Variants in SPINK7 observed in about 807,000 individuals in gnomAD.
SPINK7 encodes the protein serine peptidase inhibitor Kazal type 7.
In SPINK7, 8 loss-of-function variants were observed where a neutral mutation model predicts 11.6. That is an observed-to-expected ratio of 0.69 (90% CI 0.41 to 1.25). SPINK7 has a LOEUF of 1.25. Ranked by LOEUF, SPINK7 falls within the 50% of genes most tolerant of loss-of-function variation. The probability of loss-of-function intolerance (pLI) is 0.01; values close to 1 mark genes in which losing one functional copy is unlikely to be tolerated. For synonymous variants in SPINK7, 38 were observed against 35.3 expected (o/e 1.08, Z -0.27); for missense variants, 113 against 99.3 (o/e 1.14, Z -0.58).
In SPINK7 at chr5:148,315,571, T is replaced by A. The variant is rs574489596; in HGVS notation, c.213-68T>A. ...CTGCCTCATAATCTCTATAGTTCCT[T>A]TCAGCTCTAACATTACATAAAATTT... is the stretch of plus-strand genomic sequence containing the variant. On this transcript the variant is annotated intron_variant, in intron 3 of 3. Transcript: ENST00000274565. 15 of 945,798 alleles carry A rather than the reference T, an allele frequency of 1.6e-5. No homozygotes were observed. The East Asian group carries it at 3.6e-4, about 23-fold the overall frequency. The allele number at this position is 945,798 out of a possible 1,614,324, so 58.6% of individuals were successfully genotyped here. A position where few individuals can be genotyped will look rare whatever the true frequency, so the allele number is the denominator to read the frequency against.
In SPINK7 at chr5:148,312,442, T is replaced by C. The variant is rs745615816; in HGVS notation, c.-42T>C. ...TGGGATATGGTCGATGCAGCTGTAG[T>C]GACAATCTCAGAGCAGCTTCTACAC... On this transcript the variant is annotated 5_prime_UTR_variant, in exon 1 of 4. Transcript: ENST00000274565. 7.3e-7 allele frequency: 1 copy of C among 1,363,874 alleles called. No individual in the cohort carries two copies. The highest frequency in any genetic ancestry group is 1.1e-6 in the Non-Finnish European group (1 of 952,088). The allele number at this position is 1,363,874 out of a possible 1,614,324, so 84.5% of individuals were successfully genotyped here.
At chr5:148,314,613 G>C (rs1476686681) in intron 3 of SPINK7, 1 of 190,200 alleles carries the variant, frequency 5.3e-6, no homozygotes, top group Non-Finnish European at 1.1e-5. Context: ...ATTTTAAGTA[G>C]TGGAGTGCCA....
chr5:148,313,254 T>G, intron 1 of SPINK7, 120 bp from the exon 2 acceptor site: 1 of 672,200 alleles, frequency 1.5e-6, no homozygotes, highest in Admixed American at 2.8e-5. Context: ...GGATGGAGAG[T>G]GTGCTGAATC....
intron 1 of SPINK7, 54 bp downstream of exon 1, chr5:148,312,598 T>C: frequency 3.9e-6 from 4 of 1,016,716 alleles, no homozygotes; most frequent in Non-Finnish European, 6.0e-6. Context: ...TTTTCATAAA[T>C]AATCCCTCCT....
At position 148,315,641 on chromosome 5, in the gene SPINK7, A is replaced by C. The variant is rs1182952759; in HGVS notation, c.215A>C (p.Lys72Thr). 3 of 1,596,586 alleles carry C rather than the reference A, an allele frequency of 1.9e-6. No individual in the cohort carries two copies. In the African/African-American group the frequency reaches 4.0e-5, roughly 21 times the overall value. The change falls in exon 4 of 4, where the codon AAA becomes ACA. Residue 72 changes from lysine to threonine, a missense_variant and splice_region_variant. Coordinates refer to ENST00000274565, the MANE Select transcript of SPINK7 (RefSeq NM_032566.3). The stretch of plus-strand genomic sequence containing the variant: ...TTGTGAACTGTGTCTTCCCTTAGGA[A>C]AAGTAATGGAAGAGTTCAGTTTCTT... ...NECHLCTESL[K>T]SNGRVQFLHD...
intron 1 of SPINK7, 53 bp from the exon 2 acceptor site, chr5:148,313,321 G>A (rs1756884622): frequency 2.1e-6 from 3 of 1,401,422 alleles, no homozygotes; most frequent in South Asian, 2.5e-5. Flanking sequence ...ATTAATTAAT[G>A]AGATTTAAAG....
At chr5:148,313,885 C>A in intron 2 of SPINK7, 1 of 574,840 alleles carries the variant, frequency 1.7e-6, no homozygotes. Context: ...ACGCCTAGCC[C>A]AGAAATGCCC....
At chr5:148,314,493 C>T in intron 3 of SPINK7, 2 of 501,064 alleles carry the variant, frequency 4.0e-6, no homozygotes, top group South Asian at 5.6e-5. Flanking sequence ...TGTGGATTCT[C>T]AAACTGCTGT....
chr5:148,314,257 G>T, intron 3 of SPINK7, 33 bp downstream of exon 3: 1 of 1,611,552 alleles, frequency 6.2e-7, no homozygotes, highest in South Asian at 1.1e-5. Context: ...ATGAGATCTG[G>T]AGTCAGTGCT....
At position 148,315,780 on chromosome 5, in the gene SPINK7, C is replaced by A; in HGVS notation, c.*96C>A. 2.5e-6 allele frequency: 2 copies of A among 787,010 alleles called. No individual in the cohort carries two copies. The highest frequency in any genetic ancestry group is 1.6e-5 in the South Asian group (1 of 62,860). 48.8% of individuals were successfully genotyped at this position (787,010 alleles called of 1,614,324 possible). On this transcript the variant is annotated 3_prime_UTR_variant, in exon 4 of 4. Transcript: ENST00000274565. ...AGTTTCTTTCAGTTTTACTGATGTT[C>A]TGGGTGGGGGACAGAGCCAGATTCA...
chr5:148,313,302 G>A, intron 1 of SPINK7, 72 bp from the exon 2 acceptor site: 1 of 1,192,654 alleles, frequency 8.4e-7, no homozygotes, highest in Non-Finnish European at 1.2e-6. Flanking sequence ...TATATAGGAT[G>A]AAACTTATAT....
Position 148,313,416 on chromosome 5 carries a change from A to T in SPINK7, c.87+17A>T. On this transcript the variant is annotated intron_variant, in intron 2 of 3. Transcript: ENST00000274565. ...CCAAAAAAAGTAAGTATGTTGAATA[A>T]CATTTTAATGTCAATAACTATTGAC... The T allele has an allele frequency of 6.4e-7, 1 of 1,571,778 alleles. No homozygotes were observed. Among genetic ancestry groups the T allele is most frequent in the East Asian group, 2.3e-5 (1 of 44,212 alleles).
chr5:148,315,813 C>A lies in SPINK7; in HGVS notation c.*129C>A. 1.8e-6 allele frequency: 1 copy of A among 563,030 alleles called. No homozygotes were observed. The highest frequency in any genetic ancestry group is 3.2e-6 in the Non-Finnish European group (1 of 307,842). The allele number at this position is 563,030 out of a possible 1,614,324, so 34.9% of individuals were successfully genotyped here. On this transcript the variant is annotated 3_prime_UTR_variant, in exon 4 of 4. Transcript: ENST00000274565. ...GGGACAGAGCCAGATTCAGAGTAATCTTGACTGAATGGAGAAAGTTTCTGT... is the reference window on the plus strand; with the variant it reads ...GGGACAGAGCCAGATTCAGAGTAATATTGACTGAATGGAGAAAGTTTCTGT...
Position 148,312,554 on chromosome 5 carries a change from G to A in SPINK7, c.61+10G>A. 1 of 1,565,058 alleles carries A rather than the reference G, an allele frequency of 6.4e-7. No homozygotes were observed. The highest frequency in any genetic ancestry group is 8.8e-7 in the Non-Finnish European group (1 of 1,138,334). On this transcript the variant is annotated intron_variant, in intron 1 of 3. Transcript: ENST00000274565. The stretch of plus-strand genomic sequence containing the variant: ...TTCTGTAGCAGCTCAGGTAAGTTAA[G>A]GTCAGACAGTGCCCTATATAGCCAT...
At chr5:148,314,286 T>C in intron 3 of SPINK7, 62 bp downstream of exon 3, 2 of 1,565,442 alleles carry the variant, frequency 1.3e-6, no homozygotes, top group Non-Finnish European at 1.8e-6. Flanking sequence ...CAAACGCTTC[T>C]ACTTTCCAGG....
At position 148,313,077 on chromosome 5, in the gene SPINK7, C is replaced by T. The variant is rs181045448; in HGVS notation, c.62-297C>T. Among the ~76,000 whole-genome samples, 18 of 152,096 alleles carry T rather than the reference C, an allele frequency of 1.2e-4. No homozygotes were observed. The East Asian group carries it at 3.3e-3, about 28-fold the overall frequency. ...CTTAGGAGTGATGATTTTAATACTT[C>T]TTATTGCTACTTGACTTTGGCCATT... On this transcript the variant is annotated intron_variant, in intron 1 of 3. Coordinates refer to ENST00000274565, the MANE Select transcript of SPINK7 (RefSeq NM_032566.3).
At position 148,314,188 on chromosome 5, in the gene SPINK7, C is replaced by T; in HGVS notation, c.176C>T (p.Thr59Ile). 6.2e-7 allele frequency: 1 copy of T among 1,613,748 alleles called. No individual in the cohort carries two copies. ...CCAGTTTGTGGTTCTGACTACATCA[C>T]CTATGGGAATGAATGTCACTTGTGT... The part of the protein sequence containing the change: ...YLPVCGSDYI[T>I]YGNECHLCTE... Residue 59 changes from threonine to isoleucine, a missense_variant, in exon 3 of 4, where the codon ACC becomes ATC. Thr to Ile is a moderately conservative substitution (Grantham distance 89). Coordinates refer to ENST00000274565, the MANE Select transcript of SPINK7 (RefSeq NM_032566.3).
At chr5:148,313,039 G>C (rs1006418760) in intron 1 of SPINK7, among the ~76,000 whole-genome samples, 1 of 152,074 alleles carries the variant, frequency 6.6e-6, no homozygotes, top group African/African-American at 2.4e-5. Flanking sequence ...TATCAGAGAT[G>C]ATCCTTCAGG....
At chr5:148,313,875 A>G (rs1756894273) in intron 2 of SPINK7, 1 of 551,182 alleles carries the variant, frequency 1.8e-6, no homozygotes, top group African/African-American at 1.9e-5. Flanking sequence ...TTTAAGTTTA[A>G]CGCCTAGCCC....
Sources: allele counts gnomAD v4.1 joint callset (sites outside exome capture counted in the v4.1 genomes callset), GRCh38; gene constraint gnomAD v4.1.1; transcripts MANE v1.5; gene names NCBI Gene and HGNC (gene_info 2026-07-23, HGNC 2026-07-21).